IFI27L1: variants seen among roughly 807,000 people sequenced by gnomAD.
The protein encoded by IFI27L1 is interferon alpha inducible protein 27 like 1.
IFI27L1 carries 3 observed loss-of-function variants against 9.2 expected under a neutral mutation model. That is an observed-to-expected ratio of 0.32 (90% CI 0.15 to 0.84). IFI27L1 has a LOEUF of 0.84. IFI27L1 is among the 40% of genes least tolerant of loss of function. The pLI is 0.56. For synonymous variants in IFI27L1, 53 were observed against 50.0 expected, an observed-to-expected ratio of 1.06 and a Z score of -0.26; for missense variants, 133 against 134.2, an observed-to-expected ratio of 0.99 and a Z score of 0.05.
chr14:94,087,448 A>T (rs1199079998), intron 1 of IFI27L1, among the ~76,000 whole-genome samples: 1 of 152,118 alleles, frequency 6.6e-6, no homozygotes, highest in Non-Finnish European at 1.5e-5. Context: ...TTGTTTTGAG[A>T]CGGAGTCTCA....
chr14:94,085,174 A>C (rs1886241718), intron 1 of IFI27L1, among the ~76,000 whole-genome samples: 1 of 152,226 alleles, frequency 6.6e-6, no homozygotes, highest in Non-Finnish European at 1.5e-5. Context: ...CCAAGAATGC[A>C]TATGGAGAAG....
intron 2 of IFI27L1, among the ~76,000 whole-genome samples, chr14:94,098,651 G>A (rs1337702112): frequency 2.0e-5 from 3 of 152,128 alleles, no homozygotes; most frequent in South Asian, 2.1e-4. Context: ...GTTGAGGCCC[G>A]AGAGGGAGGG....
At chr14:94,086,553 T>A (rs7145904) in intron 1 of IFI27L1, among the ~76,000 whole-genome samples, 1 of 151,960 alleles carries the variant, frequency 6.6e-6, no homozygotes, top group South Asian at 2.1e-4. Context: ...GCTTACATAA[T>A]TGGTGGGGCA....
intron 2 of IFI27L1, among the ~76,000 whole-genome samples, chr14:94,097,318 T>A (rs1259841226): frequency 1.3e-5 from 2 of 152,172 alleles, no homozygotes; most frequent in Non-Finnish European, 1.5e-5. Flanking sequence ...CATTCAGAAG[T>A]ATTCTTTATG....
At chr14:94,084,744 GTGACCT>G (rs1352503840) in intron 1 of IFI27L1, among the ~76,000 whole-genome samples, 3 of 152,178 alleles carry the variant, frequency 2.0e-5, no homozygotes, top group Non-Finnish European at 2.9e-5. Context: ...TATCTGTCTA[GTGACCT>G]TGCAGCTGCA....
intron 2 of IFI27L1, among the ~76,000 whole-genome samples, chr14:94,098,020 C>T (rs1016597644): frequency 6.6e-6 from 1 of 152,186 alleles, no homozygotes; most frequent in Non-Finnish European, 1.5e-5. Context: ...TGGACACACC[C>T]ACACTGCACT....
At position 94,101,845 on chromosome 14, in the gene IFI27L1, C is replaced by T. The variant is rs889306828; in HGVS notation, c.93C>T (p.Leu31=). 4 of 1,614,146 alleles carry T rather than the reference C, an allele frequency of 2.5e-6. No individual in the cohort carries two copies. In the African/African-American group the frequency reaches 4.0e-5, roughly 16 times the overall value. The part of the protein sequence containing the change: ...VVAVGTVLVA[L]SAMGFTSVGI... The stretch of plus-strand genomic sequence containing the variant: ...CTGTGGGGACTGTGCTCGTGGCGCT[C>T]AGTGCCATGGGCTTCACCTCAGTAG... Residue 31 remains leucine (L), a synonymous_variant, in exon 4 of 5, where the codon CTC becomes CTT. Transcript: ENST00000555523.
chr14:94,083,280 A>T (rs1886172410), intron 1 of IFI27L1, among the ~76,000 whole-genome samples: 1 of 152,262 alleles, frequency 6.6e-6, no homozygotes, highest in African/African-American at 2.4e-5. Context: ...AGTTCCTTCT[A>T]ATGTATGACC....
chr14:94,097,389 T>G, intron 2 of IFI27L1: 1 of 569,944 alleles, frequency 1.8e-6, no homozygotes, highest in Non-Finnish European at 3.1e-6. Flanking sequence ...TAATAGCTCT[T>G]TTCATAGGCA....
At chr14:94,099,051 G>C (rs1886787721) in intron 2 of IFI27L1, among the ~76,000 whole-genome samples, 1 of 152,192 alleles carries the variant, frequency 6.6e-6, no homozygotes, top group Admixed American at 6.5e-5. Context: ...AGGAAGATGT[G>C]GTGTGAAGGG....
chr14:94,100,952 C>T, intron 3 of IFI27L1, 181 bp downstream of exon 3: 1 of 699,304 alleles, frequency 1.4e-6, no homozygotes, highest in Non-Finnish European at 2.5e-6. Context: ...CCATTAAAGG[C>T]ACAGGGCTTT....
intron 1 of IFI27L1, among the ~76,000 whole-genome samples, chr14:94,092,442 T>C (rs7494672): frequency 0.29 from 44,070 of 151,570 alleles, 6,764 homozygotes; most frequent in East Asian, 0.51. Flanking sequence ...ACCCGGGAGG[T>C]GGAGGATGCA....
intron 1 of IFI27L1, among the ~76,000 whole-genome samples, chr14:94,086,082 A>T (rs1886269287): frequency 6.6e-6 from 1 of 152,210 alleles, no homozygotes; most frequent in African/African-American, 2.4e-5. Flanking sequence ...TGTTTGGATC[A>T]TGGGGGCAGA....
At chr14:94,098,630 G>T (rs1886767838) in intron 2 of IFI27L1, among the ~76,000 whole-genome samples, 1 of 152,176 alleles carries the variant, frequency 6.6e-6, no homozygotes, top group Admixed American at 6.5e-5. Context: ...ACACTGCTGA[G>T]AGCTGGGAAC....
chr14:94,098,105 C>A (rs1053428171), intron 2 of IFI27L1, among the ~76,000 whole-genome samples: 5 of 152,072 alleles, frequency 3.3e-5, no homozygotes, highest in Non-Finnish European at 7.4e-5. Context: ...GAGGATGAGG[C>A]CAGGTGAGGA....
intron 1 of IFI27L1, among the ~76,000 whole-genome samples, chr14:94,093,512 TC>T (rs1567069499): frequency 6.6e-6 from 1 of 152,058 alleles, no homozygotes; most frequent in African/African-American, 2.4e-5. Flanking sequence ...ATGGAGAACA[TC>T]CCTCCATCCC....
At chr14:94,088,214 C>A in intron 1 of IFI27L1, 1 of 701,792 alleles carries the variant, frequency 1.4e-6, no homozygotes, top group East Asian at 2.7e-5. Flanking sequence ...TCTTCTACTG[C>A]CAAGCATTGT....
At chr14:94,093,745 T>G (rs970550027) in intron 1 of IFI27L1, among the ~76,000 whole-genome samples, 2 of 139,588 alleles carry the variant, frequency 1.4e-5, no homozygotes, top group African/African-American at 5.5e-5. Context: ...TTAGTAGATA[T>G]GTACTATTGT....
intron 1 of IFI27L1, among the ~76,000 whole-genome samples, chr14:94,093,707 G>T (rs1886567844): frequency 6.6e-6 from 1 of 152,188 alleles, no homozygotes; most frequent in Non-Finnish European, 1.5e-5. Flanking sequence ...GAACCTTGAT[G>T]TGCCTTAGTT....
Sources: gnomAD v4.1 joint callset for allele counts (sites outside exome capture counted in the v4.1 genomes callset) on GRCh38, gnomAD v4.1.1 for gene constraint, MANE v1.5 for transcripts, NCBI Gene and HGNC (gene_info 2026-07-23, HGNC 2026-07-21) for gene names.